Variants in SHQ1 observed in about 807,000 individuals in gnomAD.
The protein encoded by SHQ1 is SHQ1, H/ACA ribonucleoprotein assembly factor.
SHQ1 carries 49 observed loss-of-function variants against 53.8 expected under a neutral mutation model. That is an observed-to-expected ratio of 0.91 (90% CI 0.72 to 1.16). SHQ1 has a LOEUF of 1.16. Ranked by LOEUF, SHQ1 falls within the 50% of genes most tolerant of loss-of-function variation. SHQ1 has a pLI of 0.00. For missense variants in SHQ1, 738 were observed against 683.1 expected (o/e 1.08, Z -0.90); for synonymous variants, 243 against 251.0 (o/e 0.97, Z 0.30).
intron 10 of SHQ1, among the ~76,000 whole-genome samples, chr3:72,768,236 G>A (rs1197377657): frequency 1.3e-5 from 2 of 152,230 alleles, no homozygotes; most frequent in Non-Finnish European, 2.9e-5. Context: ...CCCTGCTGCA[G>A]GCAGAGAAGA....
intron 10 of SHQ1, among the ~76,000 whole-genome samples, chr3:72,760,436 G>A (rs896842951): frequency 2.0e-5 from 3 of 152,154 alleles, no homozygotes; most frequent in Non-Finnish European, 4.4e-5. Flanking sequence ...ACATATAAGT[G>A]GCTATGCTAG....
chr3:72,740,762 C>G, the SHQ1 span, among the ~76,000 whole-genome samples: 1 of 152,130 alleles, frequency 6.6e-6, no homozygotes, highest in Non-Finnish European at 1.5e-5. Flanking sequence ...GACAGCAACT[C>G]CACGTGTCTG....
At chr3:72,844,265 C>T (rs1392135176) in intron 2 of SHQ1, 94 bp downstream of exon 2, 10 of 993,944 alleles carry the variant, frequency 1.0e-5, no homozygotes, top group East Asian at 7.6e-5. Context: ...ATTTGAAAGA[C>T]ATCAAAAGGT....
chr3:72,846,249 A>G, intron 1 of SHQ1: 3 of 1,535,582 alleles, frequency 2.0e-6, no homozygotes, highest in Non-Finnish European at 2.6e-6. Context: ...CCATTCTTCA[A>G]GGAGAGGGAC....
chr3:72,798,576 C>A (rs1038147100), intron 9 of SHQ1, among the ~76,000 whole-genome samples: 3 of 152,204 alleles, frequency 2.0e-5, no homozygotes, highest in African/African-American at 7.2e-5. Context: ...AAACTAAGAA[C>A]AATGTGATTT....
the SHQ1 span, among the ~76,000 whole-genome samples, chr3:72,741,044 A>G: frequency 6.6e-6 from 1 of 152,172 alleles, no homozygotes; most frequent in Non-Finnish European, 1.5e-5. Flanking sequence ...TATTTAGACA[A>G]CCTCAGAGAT....
chr3:72,785,658 G>A (rs541712973), intron 10 of SHQ1, among the ~76,000 whole-genome samples: 45 of 152,224 alleles, frequency 3.0e-4, no homozygotes, highest in Admixed American at 8.5e-4. Flanking sequence ...ATCCACTCTT[G>A]TCCTACCTAT....
At chr3:72,771,037 C>A (rs145848661) in intron 10 of SHQ1, among the ~76,000 whole-genome samples, 1 of 152,272 alleles carries the variant, frequency 6.6e-6, no homozygotes, top group African/African-American at 2.4e-5. Flanking sequence ...TGTCTAGACT[C>A]ATATTTGACC....
intron 10 of SHQ1, among the ~76,000 whole-genome samples, chr3:72,772,111 G>A (rs976562000): frequency 7.2e-5 from 11 of 152,058 alleles, no homozygotes; most frequent in Admixed American, 4.6e-4. Context: ...GAGGAGTGAT[G>A]TCAGTGTTAA....
At chr3:72,747,543 G>A (rs1490756593), downstream of SHQ1, among the ~76,000 whole-genome samples, 1 of 152,152 alleles carries the variant, frequency 6.6e-6, no homozygotes, top group African/African-American at 2.4e-5. Flanking sequence ...CAGAACCCAG[G>A]GGGTTATGGA....
At chr3:72,832,515 A>G (rs770076408) in intron 4 of SHQ1, 34 bp from the exon 5 acceptor site, 1 of 1,459,560 alleles carries the variant, frequency 6.9e-7, no homozygotes, top group Admixed American at 1.9e-5. Flanking sequence ...AATAATTGCT[A>G]TCTCCTATTT....
intron 10 of SHQ1, among the ~76,000 whole-genome samples, chr3:72,761,637 G>C (rs1016904543): frequency 6.6e-5 from 10 of 152,158 alleles, no homozygotes; most frequent in African/African-American, 2.4e-4. Flanking sequence ...GTAACTCTGT[G>C]CAGGCTTTCT....
intron 10 of SHQ1, chr3:72,752,954 T>G: frequency 1.0e-6 from 1 of 984,696 alleles, no homozygotes; most frequent in Non-Finnish European, 1.2e-6. Context: ...TGAGCCACCA[T>G]GACCAGCCGA....
the SHQ1 span, among the ~76,000 whole-genome samples, chr3:72,743,675 A>C: frequency 2.0e-5 from 3 of 152,208 alleles, no homozygotes; most frequent in Non-Finnish European, 4.4e-5. Context: ...TATTCATTTG[A>C]GCTCTCCAGT....
chr3:72,765,530 C>CATATATATATATATATATATATAT (rs10551107), intron 10 of SHQ1, among the ~76,000 whole-genome samples: 15 of 83,492 alleles, frequency 1.8e-4, no homozygotes, highest in African/African-American at 8.7e-4. Context: ...ATTCACATGA[C>CATATATATATATATATATATATAT]ATATATATAT....
intron 10 of SHQ1, among the ~76,000 whole-genome samples, chr3:72,786,398 T>A (rs762132730): frequency 7.2e-5 from 11 of 152,204 alleles, no homozygotes; most frequent in Admixed American, 3.9e-4. Flanking sequence ...CATCTTTAGG[T>A]GGCCAAGCCT....
intron 10 of SHQ1, among the ~76,000 whole-genome samples, chr3:72,770,776 AAAG>A (rs1229714978): frequency 6.6e-6 from 1 of 152,206 alleles, no homozygotes; most frequent in African/African-American, 2.4e-5. Flanking sequence ...TAACTTTTGA[AAAG>A]AAGGAGGAAA....
At chr3:72,832,160 T>C (rs1175247833) in intron 5 of SHQ1, among the ~76,000 whole-genome samples, 1 of 152,206 alleles carries the variant, frequency 6.6e-6, no homozygotes, top group Non-Finnish European at 1.5e-5. Context: ...GTTGCTAAGA[T>C]GAACAACTTG....
At chr3:72,739,830 C>T in the SHQ1 span, among the ~76,000 whole-genome samples, 4 of 152,200 alleles carry the variant, frequency 2.6e-5, no homozygotes, top group East Asian at 1.9e-4. Context: ...TGAGAAGGAG[C>T]CCCACAGTGC....
Sources: allele counts gnomAD v4.1 joint callset (sites outside exome capture counted in the v4.1 genomes callset), GRCh38; gene constraint gnomAD v4.1.1; transcripts MANE v1.5; gene names NCBI Gene and HGNC (gene_info 2026-07-23, HGNC 2026-07-21).